The following TSPAN5 variants were observed in gnomAD, a reference collection of about 807,000 sequenced individuals.
TSPAN5 encodes the protein tetraspanin-5.
In TSPAN5, 10 loss-of-function variants were observed where a neutral mutation model predicts 37.1. The ratio of observed to expected loss-of-function variants is 0.27; its 90% CI spans 0.17 to 0.46. The LOEUF is 0.46. TSPAN5 is among the 20% of genes least tolerant of loss of function. The pLI, the probability that TSPAN5 is intolerant of heterozygous loss-of-function variation, is 1.00. For missense variants in TSPAN5, 195 were observed against 326.6 expected, an observed-to-expected ratio of 0.60 and a Z score of 3.11; for synonymous variants, 110 against 118.9, an observed-to-expected ratio of 0.93 and a Z score of 0.48.
At chr4:98,478,253 A>G (rs1304730269) in intron 5 of TSPAN5, among the ~76,000 whole-genome samples, 2 of 152,164 alleles carry the variant, frequency 1.3e-5, no homozygotes, top group African/African-American at 4.8e-5. Context: ...CAATGCAGAG[A>G]GCTCTCATAT....
At chr4:98,548,901 G>A (rs2110151632) in intron 1 of TSPAN5, among the ~76,000 whole-genome samples, 1 of 152,074 alleles carries the variant, frequency 6.6e-6, no homozygotes, top group Middle Eastern at 3.4e-3. Flanking sequence ...GTGTGTGTGT[G>A]TGTGTGTGTG....
chr4:98,639,349 G>T (rs969266148), intron 1 of TSPAN5, among the ~76,000 whole-genome samples: 7 of 152,148 alleles, frequency 4.6e-5, no homozygotes, highest in African/African-American at 1.7e-4. Context: ...ACAAGGTTTT[G>T]CTCTGTCGCC....
At chr4:98,640,678 C>T (rs72898297) in intron 1 of TSPAN5, among the ~76,000 whole-genome samples, 2,829 of 152,278 alleles carry the variant, frequency 0.019, 80 homozygotes, top group African/African-American at 0.065. Flanking sequence ...GAGATACACT[C>T]TCCTCCAATG....
chr4:98,490,650 C>A (rs569772284), intron 2 of TSPAN5, among the ~76,000 whole-genome samples: 21 of 152,174 alleles, frequency 1.4e-4, no homozygotes, highest in Non-Finnish European at 2.9e-4. Flanking sequence ...AATATACCCA[C>A]GTAGTTATCA....
intron 1 of TSPAN5, among the ~76,000 whole-genome samples, chr4:98,639,119 G>T (rs1265512422): frequency 1.3e-5 from 2 of 152,166 alleles, no homozygotes; most frequent in Non-Finnish European, 2.9e-5. Flanking sequence ...GAGACCCATG[G>T]AGAAGTGTCT....
intron 1 of TSPAN5, among the ~76,000 whole-genome samples, chr4:98,648,891 T>C (rs953144722): frequency 1.3e-5 from 2 of 152,176 alleles, no homozygotes; most frequent in Non-Finnish European, 2.9e-5. Flanking sequence ...CAGGACCCCA[T>C]CCTGGATGGA....
At chr4:98,507,575 T>A (rs368267916) in intron 2 of TSPAN5, 103 bp downstream of exon 2, 2 of 812,282 alleles carry the variant, frequency 2.5e-6, no homozygotes, top group Admixed American at 5.6e-5. Context: ...TAAAGAGCCA[T>A]GTTTATACTC....
chr4:98,577,725 T>G (rs1755271899), intron 1 of TSPAN5, among the ~76,000 whole-genome samples: 1 of 152,222 alleles, frequency 6.6e-6, no homozygotes, highest in Non-Finnish European at 1.5e-5. Context: ...AGAGCCTGAC[T>G]CTTTCAGCCC....
At chr4:98,473,560 C>T (rs994827811) in intron 7 of TSPAN5, among the ~76,000 whole-genome samples, 8 of 151,500 alleles carry the variant, frequency 5.3e-5, no homozygotes, top group African/African-American at 1.5e-4. Flanking sequence ...CCCGGGTTCA[C>T]GCCATTCTCC....
At chr4:98,635,762 A>G (rs1756844601) in intron 1 of TSPAN5, among the ~76,000 whole-genome samples, 1 of 152,208 alleles carries the variant, frequency 6.6e-6, no homozygotes, top group African/African-American at 2.4e-5. Context: ...CCCTCTTCAT[A>G]GATGCCATCC....
intron 1 of TSPAN5, among the ~76,000 whole-genome samples, chr4:98,656,132 T>A (rs1757289709): frequency 6.6e-6 from 1 of 152,128 alleles, no homozygotes; most frequent in African/African-American, 2.4e-5. Flanking sequence ...GTTCTGGACC[T>A]CTCCAAGCAA....
At position 98,529,146 on chromosome 4, in the gene TSPAN5, A is replaced by AAC. The variant is rs1233472026; in HGVS notation, c.82-21420_82-21419dup. 1.3e-5 allele frequency among the ~76,000 whole-genome samples: 2 copies of AAC among 152,168 alleles called. 1 individual carries two copies. Among genetic ancestry groups the AAC allele is most frequent in the Middle Eastern group, 6.3e-3 (2 of 316 alleles). ...CACATGGCCCCATCCACCCACTGAA[A>AAC]ACACACACACAGATGCAGGTCTGCC... On this transcript the variant is annotated intron_variant, in intron 1 of 7. Transcript: ENST00000305798.
In TSPAN5 at chr4:98,488,637, A is replaced by G. The variant is rs572884601; in HGVS notation, c.133-1753T>C. Among the ~76,000 whole-genome samples, 42 of 152,340 alleles carry G rather than the reference A, an allele frequency of 2.8e-4. No homozygotes were observed. The South Asian group carries it at 8.3e-3, about 30-fold the overall frequency. ...TCCAATTTTGTTTCTTGGGTTTCCA[A>G]GCAGTGAACTATGAATATTTACTCC... On this transcript the variant is annotated intron_variant, in intron 2 of 7. Coordinates refer to ENST00000305798, the MANE Select transcript of TSPAN5 (RefSeq NM_005723.4).
intron 1 of TSPAN5, among the ~76,000 whole-genome samples, chr4:98,601,562 C>T (rs1413962306): frequency 1.3e-5 from 2 of 152,234 alleles, no homozygotes; most frequent in Non-Finnish European, 2.9e-5. Flanking sequence ...CTCTCTCAAC[C>T]TTCACAGAAT....
At chr4:98,589,112 C>G (rs1755562867) in intron 1 of TSPAN5, among the ~76,000 whole-genome samples, 1 of 152,164 alleles carries the variant, frequency 6.6e-6, no homozygotes, top group South Asian at 2.1e-4. Flanking sequence ...ACACCTTCCT[C>G]TTTGATGCTC....
intron 1 of TSPAN5, among the ~76,000 whole-genome samples, chr4:98,637,828 T>C (rs1438681172): frequency 1.3e-5 from 2 of 152,216 alleles, no homozygotes; most frequent in South Asian, 2.1e-4. Context: ...CACTCTCCAA[T>C]AGGCTGGTTA....
chr4:98,493,489 T>G (rs766085890), intron 2 of TSPAN5, among the ~76,000 whole-genome samples: 2 of 152,132 alleles, frequency 1.3e-5, no homozygotes, highest in African/African-American at 2.4e-5. Flanking sequence ...AGTTGACATA[T>G]GAAAGTGAGA....
intron 1 of TSPAN5, among the ~76,000 whole-genome samples, chr4:98,549,814 A>T (rs938492273): frequency 4.7e-5 from 7 of 149,114 alleles, no homozygotes; most frequent in Admixed American, 4.7e-4. Flanking sequence ...TACTTTGGGA[A>T]TTTTTTTTTC....
At chr4:98,483,741 G>A (rs1453331265) in intron 3 of TSPAN5, 3 of 152,280 alleles carry the variant, frequency 2.0e-5, no homozygotes, top group Admixed American at 2.0e-4. Flanking sequence ...TTTCCCTAGA[G>A]TTCCTGATTA....
Sources: allele counts gnomAD v4.1 joint callset (sites outside exome capture counted in the v4.1 genomes callset), GRCh38; gene constraint gnomAD v4.1.1; transcripts MANE v1.5; gene names NCBI Gene and HGNC (gene_info 2026-07-23, HGNC 2026-07-21).